STK38L: variants seen among roughly 807,000 people sequenced by gnomAD.
The protein encoded by STK38L is serine/threonine kinase 38 like, also known as serine/threonine-protein kinase 38-like.
A neutral mutation model predicts 59.7 loss-of-function variants in STK38L; 28 were observed. The observed-to-expected ratio is 0.47, with a 90% CI of 0.35 to 0.64. The LOEUF is 0.64. Among genes scored for constraint, STK38L ranks in the 30% least tolerant of loss-of-function variants. The pLI is 0.01. For missense variants in STK38L, 314 were observed against 555.8 expected, an observed-to-expected ratio of 0.56 and a Z score of 4.37; for synonymous variants, 162 against 176.8, an observed-to-expected ratio of 0.92 and a Z score of 0.66.
intron 1 of STK38L, among the ~76,000 whole-genome samples, chr12:27,284,447 A>G (rs926304684): frequency 6.6e-6 from 1 of 152,246 alleles, no homozygotes; most frequent in Non-Finnish European, 1.5e-5. Context: ...TATATCACTT[A>G]ATGGTGACCA....
At chr12:27,314,854 A>G (rs947667014) in intron 7 of STK38L, among the ~76,000 whole-genome samples, 161 bp from the exon 8 acceptor site, 9 of 152,166 alleles carry the variant, frequency 5.9e-5, no homozygotes, top group East Asian at 1.9e-4. Flanking sequence ...TCCATTTTCT[A>G]CTTTTAAAAA....
At chr12:27,262,313 TA>T (rs1241279653) in intron 1 of STK38L, among the ~76,000 whole-genome samples, 13 of 152,238 alleles carry the variant, frequency 8.5e-5, no homozygotes, top group African/African-American at 3.1e-4. Context: ...TTTCAACTTT[TA>T]AAAATAGAAA....
At chr12:27,268,128 T>A (rs1004731548) in intron 1 of STK38L, among the ~76,000 whole-genome samples, 1 of 152,218 alleles carries the variant, frequency 6.6e-6, no homozygotes, top group African/African-American at 2.4e-5. Context: ...AATTTTTTTT[T>A]AATTATCCTG....
chr12:27,271,566 A>G (rs757178073), intron 1 of STK38L, among the ~76,000 whole-genome samples: 31 of 152,224 alleles, frequency 2.0e-4, no homozygotes, highest in Non-Finnish European at 2.9e-4. Flanking sequence ...GGTTTTAAAT[A>G]TTCCACAGAG....
At chr12:27,282,607 A>G (rs753295582) in intron 1 of STK38L, among the ~76,000 whole-genome samples, 8 of 152,178 alleles carry the variant, frequency 5.3e-5, no homozygotes, top group Non-Finnish European at 8.8e-5. Context: ...TCATATAACT[A>G]TTGATGGTCA....
intron 12 of STK38L, 29 bp downstream of exon 12, chr12:27,319,452 G>A (rs752635247): frequency 1.9e-6 from 3 of 1,547,856 alleles, no homozygotes; most frequent in Non-Finnish European, 2.6e-6. Context: ...AATGGGAAAG[G>A]TCTGAGTAAA....
intron 1 of STK38L, among the ~76,000 whole-genome samples, chr12:27,261,324 C>A (rs1316300671): frequency 6.6e-6 from 1 of 152,210 alleles, no homozygotes; most frequent in Non-Finnish European, 1.5e-5. Flanking sequence ...CTTCTACTTT[C>A]CTTGCTTTTG....
intron 3 of STK38L, among the ~76,000 whole-genome samples, chr12:27,305,300 C>T (rs1302716674): frequency 6.6e-6 from 1 of 152,202 alleles, no homozygotes; most frequent in Admixed American, 6.5e-5. Context: ...CAAGTACTGA[C>T]TACATTTACA....
chr12:27,297,295 TA>T (rs1944048681), intron 1 of STK38L: 1 of 154,960 alleles, frequency 6.5e-6, no homozygotes, highest in South Asian at 2.0e-4. Context: ...ACTATTAAAC[TA>T]AACTGCATTA....
intron 3 of STK38L, among the ~76,000 whole-genome samples, chr12:27,303,507 G>A (rs1944231633): frequency 6.6e-6 from 1 of 152,160 alleles, no homozygotes; most frequent in African/African-American, 2.4e-5. Context: ...GTAACATCTT[G>A]TTGAGCATTA....
rs769323446 is a variant in STK38L at position 27,312,510 on chromosome 12, G to GTATT, written c.394-36_394-33dup. 2.5e-6 allele frequency: 4 copies of GTATT among 1,604,652 alleles called. No individual in the cohort carries two copies. The Admixed American group carries it at 6.8e-5, about 27-fold the overall frequency. On this transcript the variant is annotated intron_variant, in intron 5 of 13. Transcript: ENST00000389032. The stretch of plus-strand genomic sequence containing the variant: ...GAGATGAGTTTAACAAATGTGTGAT[G>GTATT]TATTTACAATTATTTTTTTCAAAAA...
At chr12:27,315,169 A>T in intron 8 of STK38L, 52 bp downstream of exon 8, 1 of 1,583,682 alleles carries the variant, frequency 6.3e-7, no homozygotes, top group Non-Finnish European at 8.7e-7. Flanking sequence ...TACTGTAGAG[A>T]ACAGAAGGTT....
chr12:27,258,868 C>T (rs993538244), intron 1 of STK38L, among the ~76,000 whole-genome samples: 7 of 152,294 alleles, frequency 4.6e-5, no homozygotes, highest in Admixed American at 3.3e-4. Context: ...TCATTGGTAA[C>T]ACTATTGCCT....
At chr12:27,246,753 C>CTCAT (rs1316231555) in intron 1 of STK38L, among the ~76,000 whole-genome samples, 1 of 151,788 alleles carries the variant, frequency 6.6e-6, no homozygotes, top group Non-Finnish European at 1.5e-5. Flanking sequence ...CTTAAGTGCA[C>CTCAT]TGGTTGCATA....
chr12:27,314,782 G>A (rs376752602), intron 7 of STK38L, 124 bp downstream of exon 7: 5 of 1,153,790 alleles, frequency 4.3e-6, no homozygotes, highest in Non-Finnish European at 4.8e-6. Flanking sequence ...ATATGATAAG[G>A]TACTAGGAGA....
chr12:27,304,224 A>G (rs1944250784), intron 3 of STK38L, among the ~76,000 whole-genome samples: 1 of 143,832 alleles, frequency 7.0e-6, no homozygotes, highest in South Asian at 2.2e-4. Context: ...ATGCCATTGC[A>G]CTCCAGCCTG....
chr12:27,276,706 C>T (rs1480149497), intron 1 of STK38L, among the ~76,000 whole-genome samples: 1 of 152,144 alleles, frequency 6.6e-6, no homozygotes, highest in African/African-American at 2.4e-5. Flanking sequence ...TCTATTTTAT[C>T]AAAATTACAG....
chr12:27,274,376 A>G (rs1239222736), intron 1 of STK38L, among the ~76,000 whole-genome samples: 1 of 152,156 alleles, frequency 6.6e-6, no homozygotes, highest in Middle Eastern at 3.2e-3. Context: ...CCTCTCCATT[A>G]TTTTGAGAAA....
intron 1 of STK38L, among the ~76,000 whole-genome samples, chr12:27,275,660 G>C (rs1943520678): frequency 6.6e-6 from 1 of 152,096 alleles, no homozygotes; most frequent in East Asian, 1.9e-4. Context: ...CATCTTGAAG[G>C]CAGAGATTCT....
Sources: gnomAD v4.1 joint callset for allele counts (sites outside exome capture counted in the v4.1 genomes callset) on GRCh38, gnomAD v4.1.1 for gene constraint, MANE v1.5 for transcripts, NCBI Gene and HGNC (gene_info 2026-07-23, HGNC 2026-07-21) for gene names.